CCDC170: variants seen among roughly 807,000 people sequenced by gnomAD.
CCDC170 encodes the protein coiled-coil domain containing 170.
A neutral mutation model predicts 72.6 loss-of-function variants in CCDC170; 69 were observed. The ratio of observed to expected loss-of-function variants is 0.95; its 90% CI spans 0.78 to 1.16. CCDC170 has a LOEUF of 1.16. Among genes scored for constraint, CCDC170 ranks in the 50% most tolerant of loss-of-function variants. The pLI is 0.00. For synonymous variants in CCDC170, 300 were observed against 303.9 expected (o/e 0.99, Z 0.13); for missense variants, 852 against 832.5 (o/e 1.02, Z -0.29).
At chr6:151,552,303 C>T (rs1042546341) in intron 5 of CCDC170, among the ~76,000 whole-genome samples, 4 of 70,784 alleles carry the variant, frequency 5.7e-5, no homozygotes, top group Admixed American at 1.6e-4. Context: ...ATCTCTTTGG[C>T]GTAAGGGTAC....
chr6:151,529,014 C>T (rs2115039555), intron 1 of CCDC170, among the ~76,000 whole-genome samples: 1 of 152,194 alleles, frequency 6.6e-6, no homozygotes, highest in South Asian at 2.1e-4. Context: ...ACCACTGCGC[C>T]TCTCACCACA....
At chr6:151,591,831 T>C (rs985386330) in intron 7 of CCDC170, among the ~76,000 whole-genome samples, 2 of 152,074 alleles carry the variant, frequency 1.3e-5, no homozygotes, top group African/African-American at 4.8e-5. Flanking sequence ...TTCTAAAATA[T>C]CTTAATTAAT....
At chr6:151,573,639 T>A (rs898407012) in intron 6 of CCDC170, 148 bp downstream of exon 6, 2 of 835,480 alleles carry the variant, frequency 2.4e-6, no homozygotes, top group African/African-American at 1.7e-5. Flanking sequence ...GTTTAATGGA[T>A]TCACAGTTCC....
At chr6:151,577,381 A>G (rs1209731950) in intron 6 of CCDC170, among the ~76,000 whole-genome samples, 2 of 152,162 alleles carry the variant, frequency 1.3e-5, no homozygotes, top group Admixed American at 1.3e-4. Context: ...CGAATTCTAA[A>G]TGAGTATTTA....
chr6:151,550,363 G>A (rs1179885210), intron 5 of CCDC170, among the ~76,000 whole-genome samples: 2 of 152,194 alleles, frequency 1.3e-5, no homozygotes, highest in Non-Finnish European at 2.9e-5. Flanking sequence ...GGAGGGGCCT[G>A]GGGAATTGGT....
intron 5 of CCDC170, among the ~76,000 whole-genome samples, chr6:151,558,733 A>G (rs187708833): frequency 2.0e-5 from 3 of 152,142 alleles, no homozygotes; most frequent in Admixed American, 2.0e-4. Flanking sequence ...TGGTTTCTTT[A>G]TTCTGTTCCA....
chr6:151,495,973 A>AT (rs1190760756), intron 1 of CCDC170, among the ~76,000 whole-genome samples: 6 of 151,898 alleles, frequency 4.0e-5, no homozygotes, highest in Non-Finnish European at 5.9e-5. Flanking sequence ...TTTATTGCCA[A>AT]TTTTTTTTCC....
chr6:151,548,906 G>GT (rs71014596), intron 5 of CCDC170, among the ~76,000 whole-genome samples: 90,167 of 148,648 alleles, frequency 0.61, 29,657 homozygotes, highest in Admixed American at 0.72. Flanking sequence ...TTGTTTGTTT[G>GT]TTTTTTTTGT....
intron 5 of CCDC170, among the ~76,000 whole-genome samples, chr6:151,572,653 T>TTTGTTTTTTG (rs1776236715): frequency 1.0e-5 from 1 of 100,502 alleles, no homozygotes; most frequent in Admixed American, 1.2e-4. Flanking sequence ...CTCTGTGTTT[T>TTTGTTTTTTG]TTTTTTTTTT....
intron 5 of CCDC170, among the ~76,000 whole-genome samples, chr6:151,552,987 A>G (rs9478217): frequency 0.43 from 64,812 of 151,378 alleles, 17,382 homozygotes; most frequent in Non-Finnish European, 0.6. Context: ...AGGTTTCACC[A>G]TGTTGGCCAG....
At chr6:151,580,896 G>T (rs1164453897) in intron 6 of CCDC170, among the ~76,000 whole-genome samples, 2 of 152,126 alleles carry the variant, frequency 1.3e-5, no homozygotes, top group Admixed American at 1.3e-4. Context: ...GTTTCTCAGT[G>T]CATATAAAAG....
chr6:151,553,940 A>C (rs968418898), intron 5 of CCDC170, among the ~76,000 whole-genome samples: 14 of 152,128 alleles, frequency 9.2e-5, no homozygotes, highest in African/African-American at 3.1e-4. Context: ...GAGGTCCAGA[A>C]GGACTGCAGA....
At chr6:151,524,031 T>C (rs1339263279) in intron 1 of CCDC170, among the ~76,000 whole-genome samples, 2 of 152,202 alleles carry the variant, frequency 1.3e-5, no homozygotes, top group Non-Finnish European at 2.9e-5. Flanking sequence ...GTTTTTGCAG[T>C]TGAATGCAAA....
At chr6:151,602,928 G>A (rs1776732754) in intron 9 of CCDC170, among the ~76,000 whole-genome samples, 1 of 151,880 alleles carries the variant, frequency 6.6e-6, no homozygotes, top group South Asian at 2.1e-4. Flanking sequence ...AGCCTCTTGA[G>A]TTGCTGGGAT....
intron 10 of CCDC170, 177 bp downstream of exon 10, chr6:151,615,856 C>T (rs1484402708): frequency 3.4e-6 from 2 of 590,570 alleles, no homozygotes; most frequent in African/African-American, 1.9e-5. Flanking sequence ...CCAATGTTAA[C>T]ACATGTGCTC....
chr6:151,570,438 C>T (rs1776201172), intron 5 of CCDC170, among the ~76,000 whole-genome samples: 2 of 151,928 alleles, frequency 1.3e-5, no homozygotes, highest in Non-Finnish European at 2.9e-5. Context: ...ATACAAATAA[C>T]AAAACAACAA....
intron 4 of CCDC170, among the ~76,000 whole-genome samples, chr6:151,547,718 GC>G (rs1037408781): frequency 7.9e-5 from 12 of 152,164 alleles, no homozygotes; most frequent in African/African-American, 2.2e-4. Context: ...AGGTCAAGGA[GC>G]CTGCTGGCTT....
At chr6:151,510,037 C>T (rs779018956) in intron 1 of CCDC170, among the ~76,000 whole-genome samples, 10 of 152,132 alleles carry the variant, frequency 6.6e-5, no homozygotes, top group Non-Finnish European at 1.3e-4. Context: ...GTATGAGAAT[C>T]GCTTGAACCT....
Position 151,585,941 on chromosome 6 carries a change from AG to A in CCDC170, c.1147del (p.Glu383SerfsTer26), listed in dbSNP as rs545657915. ...QISELVEQLG[K>X]ESGFHQKALQ... Reference sequence around the variant, plus strand: ...TCTGAGCTTGTTGAACAGTTGGGAAAGGAGTCTGGGTTTCACCAGAAAGCTC... The same window carrying A: ...TCTGAGCTTGTTGAACAGTTGGGAAAGAGTCTGGGTTTCACCAGAAAGCTC... On this transcript the variant is annotated frameshift_variant, in exon 7 of 11. Coordinates refer to ENST00000239374, the MANE Select transcript of CCDC170 (RefSeq NM_025059.4). LOFTEE classifies it high-confidence loss of function. 273 of 1,614,002 alleles carry A rather than the reference AG, an allele frequency of 1.7e-4. No individual in the cohort carries two copies. The East Asian group carries it at 4.3e-3, about 25-fold the overall frequency.
Sources: allele counts gnomAD v4.1 joint callset (sites outside exome capture counted in the v4.1 genomes callset), GRCh38; gene constraint gnomAD v4.1.1; transcripts MANE v1.5; gene names NCBI Gene and HGNC (gene_info 2026-07-23, HGNC 2026-07-21).